Variants in CC2D1B observed in about 807,000 individuals in gnomAD.
CC2D1B encodes the protein coiled-coil and C2 domain-containing protein 1B.
In CC2D1B, 92 loss-of-function variants were observed where a neutral mutation model predicts 110.8. That is an observed-to-expected ratio of 0.83 (90% CI 0.70 to 0.99). The LOEUF is 0.99. CC2D1B is among the 50% of genes least tolerant of loss of function. The probability of loss-of-function intolerance (pLI) is 0.00; values close to 1 mark genes in which losing one functional copy is unlikely to be tolerated. For synonymous variants in CC2D1B, 406 were observed against 429.2 expected, an observed-to-expected ratio of 0.95 and a Z score of 0.67; for missense variants, 1,136 against 1,089.0, an observed-to-expected ratio of 1.04 and a Z score of -0.61.
chr1:52,356,826 CTCATAGATGAGGAAAATG>C (rs948478818), intron 16 of CC2D1B, 157 bp downstream of exon 16: 2 of 708,346 alleles, frequency 2.8e-6, no homozygotes, highest in Admixed American at 6.0e-5. Context: ...ATCACCCCAT[CTCATAGATGAGGAAAATG>C]TAGTTCAGAG....
In CC2D1B at chr1:52,362,766, C is replaced by G; in HGVS notation, c.70-20G>C. The stretch of plus-strand genomic sequence containing the variant: ...CCCCATCTGAGAGCAGAGCAGGACT[C>G]TTAGGAACCACACAACAAGCAGGGT... On this transcript the variant is annotated intron_variant, in intron 2 of 24. Coordinates refer to ENST00000284376, the MANE Select transcript of CC2D1B (RefSeq NM_001330585.2). The G allele has an allele frequency of 1.9e-6, 3 of 1,613,174 alleles. No homozygotes were observed. The highest frequency in any genetic ancestry group is 2.5e-6 in the Non-Finnish European group (3 of 1,179,472).
chr1:52,355,255 C>G, intron 21 of CC2D1B, 143 bp downstream of exon 21: 1 of 865,158 alleles, frequency 1.2e-6, no homozygotes. Context: ...GTTTCTCCAA[C>G]TACAGAAGAA....
At position 52,359,165 on chromosome 1, in the gene CC2D1B, G is replaced by T. The variant is rs558089307; in HGVS notation, c.1127-8C>A. ...GTGACTCTGTAGGGGCCACTTGAAG[G>T]AAAGAAGGAAGAAGTGGGCATCAGG... On this transcript the variant is annotated splice_region_variant and splice_polypyrimidine_tract_variant and intron_variant, in intron 10 of 24. Transcript: ENST00000284376. The T allele has an allele frequency of 1.2e-6, 2 of 1,609,456 alleles. No homozygotes were observed. Among genetic ancestry groups the T allele is most frequent in the East Asian group, 2.2e-5 (1 of 44,736 alleles).
chr1:52,358,619 T>C, intron 12 of CC2D1B, 67 bp downstream of exon 12: 2 of 1,569,040 alleles, frequency 1.3e-6, no homozygotes, highest in Non-Finnish European at 1.8e-6. Context: ...AATCACTGGC[T>C]GTCCCCCATT....
rs1351317850 is a variant in CC2D1B, at chr1:52,354,922, T to G, written c.2257A>C (p.Lys753Gln). 1.9e-6 allele frequency: 3 copies of G among 1,614,106 alleles called. No individual in the cohort carries two copies. The highest frequency in any genetic ancestry group is 2.5e-6 in the Non-Finnish European group (3 of 1,179,956). The change falls in exon 22 of 25, where the codon AAA (lysine) becomes CAA (glutamine). Residue 753 changes from lysine to glutamine, a missense_variant. Lys to Gln is a moderately conservative substitution (Grantham distance 53, BLOSUM62 1). Coordinates refer to ENST00000284376, the MANE Select transcript of CC2D1B (RefSeq NM_001330585.2). Reference sequence around the variant, plus strand: ...CGGTGGTTTCGGTTGATGTTTAGTTTGAAGAGTTGATCAAATTCTGGCAAA... The same window carrying G: ...CGGTGGTTTCGGTTGATGTTTAGTTGGAAGAGTTGATCAAATTCTGGCAAA... Reference protein sequence around the residue: ...TNSPEFDQLFKLNINRNHRGF... With the variant: ...TNSPEFDQLFQLNINRNHRGF...
chr1:52,354,278 G>A, intron 23 of CC2D1B: 2 of 510,672 alleles, frequency 3.9e-6, no homozygotes, highest in Non-Finnish European at 3.7e-6. Context: ...GCTCTGCCAA[G>A]GACACACCAT....
chr1:52,361,174 G>A, intron 4 of CC2D1B, 42 bp from the exon 5 acceptor site: 1 of 1,610,546 alleles, frequency 6.2e-7, no homozygotes. Flanking sequence ...GGGGCCTCAA[G>A]ACCATACCCA....
chr1:52,354,866 G>A lies in CC2D1B; in HGVS notation c.2313C>T (p.Gly771=). ...CTTTGTGGAAGATCTCAAACTTGAT[G>A]CCTTTGCTCTGGATCACCCTCTTGA... is the stretch of plus-strand genomic sequence containing the variant. The part of the protein sequence containing the change: ...RGFKRVIQSK[G]IKFEIFHKGS... The change falls in exon 22 of 25, where the codon GGC becomes GGT. Residue 771 remains glycine (G), a synonymous_variant. Coordinates refer to ENST00000284376, the MANE Select transcript of CC2D1B (RefSeq NM_001330585.2). 1 of 1,614,170 alleles carries A rather than the reference G, an allele frequency of 6.2e-7. No individual in the cohort carries two copies. The highest frequency in any genetic ancestry group is 8.5e-7 in the Non-Finnish European group (1 of 1,179,990).
chr1:52,356,503 T>C, intron 16 of CC2D1B, 61 bp from the exon 17 acceptor site: 1 of 1,572,260 alleles, frequency 6.4e-7, no homozygotes, highest in Non-Finnish European at 8.8e-7. Context: ...TGGTTGGCAT[T>C]CAAGGCTAGA....
In CC2D1B at chr1:52,351,076, C is replaced by T. The variant is rs1310352050; in HGVS notation, c.*2149G>A. ...TCCTGTATGTGGATAAATCTCAGGA[C>T]AAGATGAAGCTGGGACAGGCTCCTC... On this transcript the variant is annotated 3_prime_UTR_variant, in exon 25 of 25. Transcript: ENST00000284376. The T allele has an allele frequency of 2.0e-5, 3 of 152,136 alleles. No homozygotes were observed. The highest frequency in any genetic ancestry group is 4.4e-5 in the Non-Finnish European group (3 of 68,026). 9.4% of individuals were successfully genotyped at this position (152,136 alleles called of 1,614,324 possible).
Position 52,353,662 on chromosome 1 carries a change from G to A in CC2D1B, c.2431-15C>T, listed in dbSNP as rs750984681. 1 of 1,575,210 alleles carries A rather than the reference G, an allele frequency of 6.3e-7. No individual in the cohort carries two copies. The highest frequency in any genetic ancestry group is 2.3e-5 in the East Asian group (1 of 43,558). On this transcript the variant is annotated splice_polypyrimidine_tract_variant and intron_variant, in intron 23 of 24. Transcript: ENST00000284376. Reference sequence around the variant, plus strand: ...CCATCCAGGACCTGTGAGGACCACAGAGAGGGAAATGGTAACTAAGGGGAC... The same window carrying A: ...CCATCCAGGACCTGTGAGGACCACAAAGAGGGAAATGGTAACTAAGGGGAC...
intron 23 of CC2D1B, chr1:52,354,292 A>G: frequency 3.7e-6 from 2 of 543,298 alleles, no homozygotes; most frequent in Non-Finnish European, 7.0e-6. Flanking sequence ...ACACCATATG[A>G]GCTTACAGAA....
chr1:52,365,225 G>A (rs929580319), intron 1 of CC2D1B, among the ~76,000 whole-genome samples: 3 of 152,218 alleles, frequency 2.0e-5, no homozygotes, highest in African/African-American at 7.2e-5. Flanking sequence ...GTCAGACCTT[G>A]CGCTGGGCAC....
At chr1:52,355,702 T>G (rs1352812708) in intron 19 of CC2D1B, 36 bp from the exon 20 acceptor site, 1 of 1,613,370 alleles carries the variant, frequency 6.2e-7, no homozygotes, top group Non-Finnish European at 8.5e-7. Flanking sequence ...TCAGAGGGAG[T>G]GGCCAGGAGC....
chr1:52,355,058 T>G, intron 21 of CC2D1B, 119 bp from the exon 22 acceptor site: 1 of 808,490 alleles, frequency 1.2e-6, no homozygotes, highest in Non-Finnish European at 2.1e-6. Context: ...TTTGGGGTAC[T>G]GCCTCCAAAG....
intron 4 of CC2D1B, 144 bp downstream of exon 4, chr1:52,361,369 C>A: frequency 7.0e-7 from 1 of 1,432,008 alleles, no homozygotes; most frequent in Non-Finnish European, 9.5e-7. Flanking sequence ...AAGAGACACG[C>A]CACCCACTGT....
At chr1:52,354,275 C>T in intron 23 of CC2D1B, 1 of 501,126 alleles carries the variant, frequency 2.0e-6, no homozygotes, top group Non-Finnish European at 3.8e-6. Context: ...GTAGCTCTGC[C>T]AAGGACACAC....
At chr1:52,360,369 G>T in intron 6 of CC2D1B, 55 bp downstream of exon 6, 6 of 1,601,074 alleles carry the variant, frequency 3.7e-6, no homozygotes, top group Non-Finnish European at 5.1e-6. Flanking sequence ...ATCTCCACCA[G>T]CCGCCTTTCA....
At chr1:52,358,212 G>A in intron 13 of CC2D1B, 119 bp downstream of exon 13, 2 of 1,412,168 alleles carry the variant, frequency 1.4e-6, no homozygotes, top group Non-Finnish European at 1.9e-6. Context: ...TTTTTTCTCT[G>A]TACAGTGGAG....
Sources: allele counts gnomAD v4.1 joint callset (sites outside exome capture counted in the v4.1 genomes callset), GRCh38; gene constraint gnomAD v4.1.1; transcripts MANE v1.5; gene names NCBI Gene and HGNC (gene_info 2026-07-23, HGNC 2026-07-21).